The following CDH20 variants were observed in gnomAD, a reference collection of about 807,000 sequenced individuals.
CDH20 encodes the protein cadherin-20.
Under a neutral mutation model 74.2 loss-of-function variants are expected in CDH20, and 29 were observed. The observed-to-expected ratio is 0.39, with a 90% CI of 0.29 to 0.53. CDH20 has a LOEUF of 0.53. Ranked by LOEUF, CDH20 falls within the 20% of genes least tolerant of loss-of-function variation. The pLI is 0.69. For synonymous variants in CDH20, 469 were observed against 405.4 expected, an observed-to-expected ratio of 1.16 and a Z score of -1.88; for missense variants, 988 against 1,048.3, an observed-to-expected ratio of 0.94 and a Z score of 0.79.
rs570112283 is a variant in CDH20 at position 61,524,194 on chromosome 18, T to C, written c.1018-3773T>C. On this transcript the variant is annotated intron_variant, in intron 6 of 11. Transcript: ENST00000262717. Reference sequence around the variant, plus strand: ...ATACAAAGACCTCCTCAAGAAGACATAGAAAGATGCATCACGAGGCAGTAA... The same window carrying C: ...ATACAAAGACCTCCTCAAGAAGACACAGAAAGATGCATCACGAGGCAGTAA... Among the ~76,000 whole-genome samples, 18 of 151,964 alleles carry C rather than the reference T, an allele frequency of 1.2e-4. No individual in the cohort carries two copies. In the South Asian group the frequency reaches 3.7e-3, roughly 32 times the overall value.
chr18:61,400,550 T>C (rs1387757489), intron 1 of CDH20, among the ~76,000 whole-genome samples: 1 of 152,210 alleles, frequency 6.6e-6, no homozygotes, highest in Non-Finnish European at 1.5e-5. Context: ...GAAATCCTGC[T>C]ACCACAGTGT....
chr18:61,372,988 G>A (rs1401026034), intron 1 of CDH20, among the ~76,000 whole-genome samples: 2 of 152,078 alleles, frequency 1.3e-5, no homozygotes, highest in African/African-American at 4.8e-5. Flanking sequence ...GGGACCAAAA[G>A]GAGGCTGAAT....
chr18:61,433,617 A>G (rs1161339145), intron 1 of CDH20, among the ~76,000 whole-genome samples: 2 of 152,134 alleles, frequency 1.3e-5, no homozygotes, highest in East Asian at 3.9e-4. Flanking sequence ...CCATATGTAC[A>G]TTCTGGGTCA....
intron 1 of CDH20, among the ~76,000 whole-genome samples, chr18:61,414,954 C>T (rs1599069218): frequency 6.6e-6 from 1 of 152,006 alleles, no homozygotes; most frequent in Non-Finnish European, 1.5e-5. Context: ...AACTGAAATT[C>T]CATATCCGTT....
At chr18:61,408,914 T>C (rs1196984012) in intron 1 of CDH20, among the ~76,000 whole-genome samples, 1 of 151,974 alleles carries the variant, frequency 6.6e-6, no homozygotes, top group Non-Finnish European at 1.5e-5. Context: ...ATAATACTAA[T>C]ACAAAAAAAA....
chr18:61,461,030 A>T lies in CDH20; in HGVS notation c.-152-29372A>T, dbSNP rs892386047. 3.9e-5 allele frequency among the ~76,000 whole-genome samples: 6 copies of T among 152,266 alleles called. No individual in the cohort carries two copies. In the East Asian group the frequency reaches 1.2e-3, roughly 29 times the overall value. ...TCTGTTCACTAACGGTAATACATTA[A>T]TTTTTTAGTTTTAAAAGGAAAATAG... On this transcript the variant is annotated intron_variant, in intron 1 of 11. Coordinates refer to ENST00000262717, the MANE Select transcript of CDH20 (RefSeq NM_031891.4).
At chr18:61,550,913 C>T (rs1419310608) in intron 11 of CDH20, among the ~76,000 whole-genome samples, 1 of 152,148 alleles carries the variant, frequency 6.6e-6, no homozygotes, top group African/African-American at 2.4e-5. Flanking sequence ...TGGTGTGAAC[C>T]ACACAGATTT....
At chr18:61,413,469 A>T (rs1297721638) in intron 1 of CDH20, among the ~76,000 whole-genome samples, 4 of 152,212 alleles carry the variant, frequency 2.6e-5, no homozygotes, top group African/African-American at 9.6e-5. Flanking sequence ...CACTGCAAGA[A>T]AAGTTTAAAG....
chr18:61,497,384 A>T (rs920734985), intron 2 of CDH20, among the ~76,000 whole-genome samples: 6 of 152,170 alleles, frequency 3.9e-5, no homozygotes, highest in African/African-American at 1.4e-4. Flanking sequence ...ATGCATTTGC[A>T]GGTGTTTTAT....
chr18:61,447,481 AAG>A (rs1421853732), intron 1 of CDH20, among the ~76,000 whole-genome samples: 1 of 152,164 alleles, frequency 6.6e-6, no homozygotes, highest in African/African-American at 2.4e-5. Context: ...ACAATACACA[AAG>A]AGATTGGCGA....
chr18:61,418,975 A>G (rs934490968), intron 1 of CDH20, among the ~76,000 whole-genome samples: 4 of 152,168 alleles, frequency 2.6e-5, no homozygotes, highest in Admixed American at 2.6e-4. Flanking sequence ...GCTGATCTCT[A>G]TACATCAGAA....
At chr18:61,532,240 G>A (rs1484855566) in intron 7 of CDH20, among the ~76,000 whole-genome samples, 1 of 152,132 alleles carries the variant, frequency 6.6e-6, no homozygotes, top group East Asian at 1.9e-4. Flanking sequence ...GATTAAATGA[G>A]TCCATATAGG....
At position 61,515,085 on chromosome 18, in the gene CDH20, G is replaced by A. The variant is rs558724324; in HGVS notation, c.1017+7525G>A. On this transcript the variant is annotated intron_variant, in intron 6 of 11. Coordinates refer to ENST00000262717, the MANE Select transcript of CDH20 (RefSeq NM_031891.4). ...TAATCAAGCCTGGGCAATGGCGGGC[G>A]CCCCTCCCCCAGACTCGCTGCCACC... 2.6e-3 allele frequency among the ~76,000 whole-genome samples: 399 copies of A among 152,226 alleles called. 4 individuals carry two copies. Among genetic ancestry groups the A allele is most frequent in the East Asian group, 0.02 (101 of 5,160 alleles).
chr18:61,433,526 G>C (rs950075314), intron 1 of CDH20, among the ~76,000 whole-genome samples: 26 of 152,156 alleles, frequency 1.7e-4, no homozygotes, highest in African/African-American at 5.5e-4. Flanking sequence ...ACGTGAAAAT[G>C]TGTGGGGCCA....
chr18:61,340,816 A>G (rs1909924034), intron 1 of CDH20, among the ~76,000 whole-genome samples: 1 of 152,222 alleles, frequency 6.6e-6, no homozygotes, highest in Non-Finnish European at 1.5e-5. Flanking sequence ...AATTTCCTTT[A>G]GCAATTTAAT....
intron 5 of CDH20, among the ~76,000 whole-genome samples, chr18:61,507,027 G>T (rs536563150): frequency 1.3e-5 from 2 of 152,360 alleles, no homozygotes; most frequent in Admixed American, 1.3e-4. Flanking sequence ...AGAAGGAACT[G>T]CAATTTAAGG....
rs1912824431 is a variant in CDH20, at chr18:61,536,553, T to C, written c.1332T>C (p.Gly444=). The part of the protein sequence containing the change: ...GRFFYVDITT[G]ALMTARPLDR... ...TTTTCTATGTTGACATTACAACAGG[T>C]GCCCTAATGACAGCAAGACCCCTAG... The change falls in exon 8 of 12, where the codon GGT becomes GGC. Residue 444 remains glycine (G), a synonymous_variant. Transcript: ENST00000262717. 6.2e-7 allele frequency: 1 copy of C among 1,613,424 alleles called. No homozygotes were observed. The highest frequency in any genetic ancestry group is 8.5e-7 in the Non-Finnish European group (1 of 1,179,372).
At chr18:61,505,375 T>C (rs962177865) in intron 5 of CDH20, among the ~76,000 whole-genome samples, 27 of 146,822 alleles carry the variant, frequency 1.8e-4, no homozygotes, top group African/African-American at 6.6e-4. Context: ...TCTTGCTCTG[T>C]CACCCAGGCT....
intron 1 of CDH20, among the ~76,000 whole-genome samples, chr18:61,336,960 T>A (rs1909783256): frequency 6.6e-6 from 1 of 152,178 alleles, no homozygotes; most frequent in African/African-American, 2.4e-5. Flanking sequence ...TCTTCTTAGT[T>A]TAGAAACAGC....
Sources: allele counts gnomAD v4.1 joint callset (sites outside exome capture counted in the v4.1 genomes callset), GRCh38; gene constraint gnomAD v4.1.1; transcripts MANE v1.5; gene names NCBI Gene and HGNC (gene_info 2026-07-23, HGNC 2026-07-21).